NCKAP1: variants seen among roughly 807,000 people sequenced by gnomAD.
The protein encoded by NCKAP1 is nck-associated protein 1.
A neutral mutation model predicts 151.2 loss-of-function variants in NCKAP1; 21 were observed. The ratio of observed to expected loss-of-function variants is 0.14; its 90% CI spans 0.10 to 0.20. The LOEUF (loss-of-function observed/expected upper bound fraction) is 0.20. NCKAP1 is among the 10% of genes least tolerant of loss of function. The pLI, the probability that NCKAP1 is intolerant of heterozygous loss-of-function variation, is 1.00. For missense variants in NCKAP1, 933 were observed against 1,352.1 expected, an observed-to-expected ratio of 0.69 and a Z score of 4.86; for synonymous variants, 484 against 451.8, an observed-to-expected ratio of 1.07 and a Z score of -0.90.
In NCKAP1 at chr2:182,922,213, C is replaced by T. The variant is rs747799519; in HGVS notation, c.*3489G>A. On this transcript the variant is annotated 3_prime_UTR_variant, in exon 31 of 31. Transcript: ENST00000361354. ...TAACAGAATGGGCATGGATCATGTACTAATCAGTAGGTTACAATTCACTAC... is the reference window on the plus strand; with the variant it reads ...TAACAGAATGGGCATGGATCATGTATTAATCAGTAGGTTACAATTCACTAC... 4 of 152,202 alleles carry T rather than the reference C, an allele frequency of 2.6e-5. No individual in the cohort carries two copies. The highest frequency in any genetic ancestry group is 2.9e-5 in the Non-Finnish European group (2 of 68,034). 9.4% of individuals were successfully genotyped at this position (152,202 alleles called of 1,614,324 possible). A position where few individuals can be genotyped will look rare whatever the true frequency, so the allele number is the denominator to read the frequency against.
In NCKAP1 at chr2:182,919,495, T is replaced by C. The variant is rs992714478; in HGVS notation, c.*6207A>G. On this transcript the variant is annotated 3_prime_UTR_variant, in exon 31 of 31. Coordinates refer to ENST00000361354, the MANE Select transcript of NCKAP1 (RefSeq NM_013436.5). Reference sequence around the variant, plus strand: ...AAGTTATGGTCATACCTAATTAGTATGACATTCTGATTATTAACTGGATAT... The same window carrying C: ...AAGTTATGGTCATACCTAATTAGTACGACATTCTGATTATTAACTGGATAT... 3.3e-5 allele frequency: 5 copies of C among 152,202 alleles called. 1 individual carries two copies. Among genetic ancestry groups the C allele is most frequent in the Non-Finnish European group, 7.3e-5 (5 of 68,038 alleles). 9.4% of individuals were successfully genotyped at this position (152,202 alleles called of 1,614,324 possible). A position where few individuals can be genotyped will look rare whatever the true frequency, so the allele number is the denominator to read the frequency against.
chr2:182,966,876 TTTGACC>T (rs1408197893), intron 16 of NCKAP1, among the ~76,000 whole-genome samples: 1 of 152,150 alleles, frequency 6.6e-6, no homozygotes, highest in Non-Finnish European at 1.5e-5. Context: ...ACTTGCTCTA[TTTGACC>T]TTGATCTACA....
chr2:183,004,836 A>C (rs1340752327), intron 2 of NCKAP1, among the ~76,000 whole-genome samples: 4 of 150,746 alleles, frequency 2.7e-5, no homozygotes, highest in African/African-American at 9.8e-5. Flanking sequence ...GTAAGCTTAG[A>C]TCGAGCCACT....
intron 2 of NCKAP1, among the ~76,000 whole-genome samples, chr2:183,015,579 T>C (rs1698668526): frequency 1.3e-5 from 2 of 151,924 alleles, no homozygotes; most frequent in African/African-American, 2.4e-5. Context: ...CAGAAAGTCA[T>C]GGTATAACTA....
chr2:182,959,578 G>C (rs1435647373), intron 18 of NCKAP1, among the ~76,000 whole-genome samples: 1 of 152,122 alleles, frequency 6.6e-6, no homozygotes, highest in Admixed American at 6.5e-5. Flanking sequence ...GGTATTGATA[G>C]GATGTATCTC....
chr2:182,978,807 T>C, intron 14 of NCKAP1, 27 bp downstream of exon 14: 1 of 1,337,830 alleles, frequency 7.5e-7, no homozygotes. Flanking sequence ...TAGAAGAAAA[T>C]ATGCTTTTAT....
chr2:183,032,086 C>T (rs1226556892), intron 1 of NCKAP1, among the ~76,000 whole-genome samples: 1 of 152,150 alleles, frequency 6.6e-6, no homozygotes, highest in East Asian at 1.9e-4. Context: ...AAGTTTGGGT[C>T]AGGATCCAGA....
rs562699498 is a variant in NCKAP1, at chr2:182,920,299, C to T, written c.*5403G>A. On this transcript the variant is annotated 3_prime_UTR_variant, in exon 31 of 31. Transcript: ENST00000361354. ...ACCAGTACTTCTTACGTAATACTTG[C>T]TGTAGAGAATCTCTTTCTACTCAAG... is the stretch of plus-strand genomic sequence containing the variant. 43 of 152,264 alleles carry T rather than the reference C, an allele frequency of 2.8e-4. No individual in the cohort carries two copies. Among genetic ancestry groups the T allele is most frequent in the African/African-American group, 9.9e-4 (41 of 41,548 alleles). 9.4% of individuals were successfully genotyped at this position (152,264 alleles called of 1,614,324 possible).
At chr2:182,987,824 C>G (rs1434739255) in intron 9 of NCKAP1, among the ~76,000 whole-genome samples, 2 of 151,954 alleles carry the variant, frequency 1.3e-5, no homozygotes, top group African/African-American at 4.8e-5. Flanking sequence ...CAGATCACTG[C>G]CATAAGAATA....
At chr2:182,996,462 T>C (rs1575055195) in intron 6 of NCKAP1, among the ~76,000 whole-genome samples, 1 of 152,318 alleles carries the variant, frequency 6.6e-6, no homozygotes, top group African/African-American at 2.4e-5. Flanking sequence ...TAAAGAGTGA[T>C]TCTTTTTTTT....
chr2:182,977,254 C>T (rs1697842418), intron 14 of NCKAP1, among the ~76,000 whole-genome samples: 4 of 152,068 alleles, frequency 2.6e-5, no homozygotes, highest in Admixed American at 6.6e-5. Flanking sequence ...TTTGGGAGGC[C>T]GAGGCAGGTG....
At chr2:182,926,177 G>A (rs1302292479) in intron 30 of NCKAP1, among the ~76,000 whole-genome samples, 1 of 151,752 alleles carries the variant, frequency 6.6e-6, no homozygotes, top group African/African-American at 2.4e-5. Context: ...GACTAAGCTA[G>A]GAAGCAAAAC....
chr2:183,031,764 T>C (rs561483620), intron 1 of NCKAP1, among the ~76,000 whole-genome samples: 1 of 152,246 alleles, frequency 6.6e-6, no homozygotes, highest in East Asian at 1.9e-4. Flanking sequence ...TCCAAAAACG[T>C]GAGATAACTG....
At chr2:183,007,827 T>G (rs887296346) in intron 2 of NCKAP1, among the ~76,000 whole-genome samples, 1 of 152,242 alleles carries the variant, frequency 6.6e-6, no homozygotes, top group African/African-American at 2.4e-5. Flanking sequence ...TCAACTCTCA[T>G]GTGGACTCCT....
At position 182,925,675 on chromosome 2, in the gene NCKAP1, G is replaced by C. The variant is rs751136773; in HGVS notation, c.*27C>G. Reference sequence around the variant, plus strand: ...GGTAAAACCAAGGCAACAAAAATGCGTGCTTATCTTGATTAAGTAGGTAAT... The same window carrying C: ...GGTAAAACCAAGGCAACAAAAATGCCTGCTTATCTTGATTAAGTAGGTAAT... On this transcript the variant is annotated 3_prime_UTR_variant, in exon 31 of 31. Transcript: ENST00000361354. 1 of 1,384,058 alleles carries C rather than the reference G, an allele frequency of 7.2e-7. No homozygotes were observed. Among genetic ancestry groups the C allele is most frequent in the South Asian group, 1.4e-5 (1 of 73,866 alleles). 85.7% of individuals were successfully genotyped at this position (1,384,058 alleles called of 1,614,324 possible).
chr2:182,936,390 A>C (rs1305513405), intron 24 of NCKAP1, among the ~76,000 whole-genome samples: 3 of 152,250 alleles, frequency 2.0e-5, no homozygotes, highest in African/African-American at 7.2e-5. Flanking sequence ...GTAAAAGAAG[A>C]AATATAAACA....
At chr2:183,004,511 C>G (rs1234321070) in intron 2 of NCKAP1, among the ~76,000 whole-genome samples, 2 of 130,218 alleles carry the variant, frequency 1.5e-5, no homozygotes, top group Non-Finnish European at 3.2e-5. Flanking sequence ...AAAAAAACAG[C>G]AAGCACAGCA....
intron 18 of NCKAP1, among the ~76,000 whole-genome samples, chr2:182,959,079 C>T (rs962241560): frequency 2.0e-5 from 3 of 152,078 alleles, no homozygotes; most frequent in African/African-American, 4.8e-5. Flanking sequence ...ATGTGGTTTA[C>T]ATAGTATCTC....
chr2:182,994,943 T>G, intron 7 of NCKAP1, 56 bp from the exon 8 acceptor site: 4 of 1,385,584 alleles, frequency 2.9e-6, no homozygotes, highest in Non-Finnish European at 4.1e-6. Flanking sequence ...AAATATTCCA[T>G]ATTGAGCCAC....
Sources: gnomAD v4.1 joint callset for allele counts (sites outside exome capture counted in the v4.1 genomes callset) on GRCh38, gnomAD v4.1.1 for gene constraint, MANE v1.5 for transcripts, NCBI Gene and HGNC (gene_info 2026-07-23, HGNC 2026-07-21) for gene names.